The following ZNF488 variants were observed in gnomAD, a reference collection of about 807,000 sequenced individuals.
ZNF488 encodes zinc finger protein 488.
ZNF488 carries 1 observed loss-of-function variant against 1.2 expected under a neutral mutation model. The ratio of observed to expected loss-of-function variants is 0.86; its 90% CI spans 0.30 to 4.07. ZNF488 has a LOEUF of 4.07. Among genes scored for constraint, ZNF488 ranks in the 30% most tolerant of loss-of-function variants. ZNF488 has a pLI of 0.18. For missense variants in ZNF488, 450 were observed against 437.9 expected (o/e 1.03, Z -0.25); for synonymous variants, 185 against 190.1 (o/e 0.97, Z 0.22).
intron 1 of ZNF488, among the ~76,000 whole-genome samples, chr10:47,377,146 C>G (rs1837709224): frequency 6.6e-6 from 1 of 152,166 alleles, no homozygotes; most frequent in South Asian, 2.1e-4. Flanking sequence ...GCAGGGTCCC[C>G]CTTTGCCCCA....
intron 1 of ZNF488, among the ~76,000 whole-genome samples, chr10:47,372,517 G>C (rs1837511696): frequency 6.6e-6 from 1 of 151,586 alleles, no homozygotes; most frequent in Non-Finnish European, 1.5e-5. Context: ...TAAGCATGGA[G>C]AAGACAGAGA....
rs889930667 is a variant in ZNF488, at chr10:47,366,094, A to G, written c.*1713T>C. ...TTCCAGGGCTATTGTAGGACTCACT[A>G]TAACATCTGTATTCTTCCAGTGCTT... On this transcript the variant is annotated 3_prime_UTR_variant, in exon 2 of 2. Coordinates refer to ENST00000585316, the MANE Select transcript of ZNF488 (RefSeq NM_153034.4). 6.0e-6 allele frequency: 1 copy of G among 167,100 alleles called. No individual in the cohort carries two copies. The highest frequency in any genetic ancestry group is 2.4e-5 in the African/African-American group (1 of 41,468). The allele number at this position is 167,100 out of a possible 1,614,324, so 10.4% of individuals were successfully genotyped here.
At chr10:47,375,707 T>G (rs1169811909) in intron 1 of ZNF488, among the ~76,000 whole-genome samples, 1 of 152,228 alleles carries the variant, frequency 6.6e-6, no homozygotes, top group Non-Finnish European at 1.5e-5. Flanking sequence ...ACTTTCATCT[T>G]ACACTTTATT....
intron 1 of ZNF488, among the ~76,000 whole-genome samples, chr10:47,379,541 A>C (rs1284382022): frequency 1.3e-5 from 2 of 150,766 alleles, no homozygotes; most frequent in African/African-American, 4.9e-5. Context: ...TGTCGCATGC[A>C]TCAGCACTGC....
At chr10:47,368,960 G>T in intron 1 of ZNF488, 23 bp from the exon 2 acceptor site, 1 of 1,080,170 alleles carries the variant, frequency 9.3e-7, no homozygotes. Context: ...GAAGCGACAG[G>T]CAGTGAGATG....
At chr10:47,380,222 C>A (rs1176338981) in intron 1 of ZNF488, among the ~76,000 whole-genome samples, 6 of 10,448 alleles carry the variant, frequency 5.7e-4, no homozygotes, top group Admixed American at 4.5e-3. Flanking sequence ...TCCTCTTGTT[C>A]TCCTTGGCTC....
intron 1 of ZNF488, among the ~76,000 whole-genome samples, chr10:47,372,497 C>T (rs1253984362): frequency 6.6e-6 from 1 of 151,674 alleles, no homozygotes; most frequent in Non-Finnish European, 1.5e-5. Flanking sequence ...CTCAAGCCTC[C>T]TCTGCTTTCT....
At chr10:47,371,485 C>A (rs550160555) in intron 1 of ZNF488, among the ~76,000 whole-genome samples, 160 of 152,148 alleles carry the variant, frequency 1.1e-3, no homozygotes, top group African/African-American at 3.8e-3. Context: ...AGTATGTATA[C>A]ATAATATACC....
In ZNF488 at chr10:47,368,857, T is replaced by C. The variant is rs1220844590; in HGVS notation, c.-28A>G. On this transcript the variant is annotated 5_prime_UTR_variant, in exon 2 of 2. Transcript: ENST00000585316. ...ATCAGTCTTTGGGGGTTTGGGGTTC[T>C]GGAGGGCTTGGCCCAGCAAGGAGCC... 3 of 1,550,146 alleles carry C rather than the reference T, an allele frequency of 1.9e-6. No homozygotes were observed. The highest frequency in any genetic ancestry group is 1.8e-4 in the Middle Eastern group (1 of 5,482).
rs558580971 is a variant in ZNF488 at position 47,368,618 on chromosome 10, C to A, written c.212G>T (p.Ser71Ile). The A allele has an allele frequency of 1.9e-6, 3 of 1,610,344 alleles. No individual in the cohort carries two copies. Among genetic ancestry groups the A allele is most frequent in the African/African-American group, 2.7e-5 (2 of 74,940 alleles). ...GGCTACCAACAGTGCCAGCTCCGCACTGCCCACATCCCGGCCCGCCCTGCC... is the reference window on the plus strand; with the variant it reads ...GGCTACCAACAGTGCCAGCTCCGCAATGCCCACATCCCGGCCCGCCCTGCC... ...AVGRAGRDVG[S>I]AELALLVAPG... is the part of the protein sequence containing the mutation. The change falls in exon 2 of 2, where the codon AGT becomes ATT. Residue 71 changes from serine (S) to isoleucine (I), a missense_variant. Ser to Ile is a moderately radical substitution (Grantham distance 142). Transcript: ENST00000585316.
intron 1 of ZNF488, among the ~76,000 whole-genome samples, chr10:47,377,671 T>TCACACACACACACACACA (rs55901237): frequency 1.9e-5 from 2 of 104,952 alleles, no homozygotes; most frequent in African/African-American, 7.2e-5. Context: ...GCAATAACAA[T>TCACACACACACACACACA]CACACACACA....
At position 47,377,862 on chromosome 10, in the gene ZNF488, G is replaced by T. The variant is rs190927676; in HGVS notation, c.-109+6358C>A. Among the ~76,000 whole-genome samples, 35 of 152,358 alleles carry T rather than the reference G, an allele frequency of 2.3e-4. 3 individuals carry two copies. The highest frequency in any genetic ancestry group is 1.8e-3 in the Admixed American group (27 of 15,312). On this transcript the variant is annotated intron_variant, in intron 1 of 1. Coordinates refer to ENST00000585316, the MANE Select transcript of ZNF488 (RefSeq NM_153034.4). ...TGTGTTTGCACCCTGGTTGAGGGCA[G>T]TTTTCCTTCCTTGCTGGTTGCCATA...
At chr10:47,375,269 A>G (rs1837637178) in intron 1 of ZNF488, among the ~76,000 whole-genome samples, 1 of 152,134 alleles carries the variant, frequency 6.6e-6, no homozygotes. Context: ...GGCAATACAT[A>G]CTCAGAACCC....
At chr10:47,380,880 T>C (rs188451715) in intron 1 of ZNF488, among the ~76,000 whole-genome samples, 209 of 47,172 alleles carry the variant, frequency 4.4e-3, no homozygotes, top group African/African-American at 0.024. Flanking sequence ...TGGGAAAGAT[T>C]AGAAGGATTA....
rs1281525717 is a variant in ZNF488 at position 47,367,649 on chromosome 10, G to T, written c.*158C>A. On this transcript the variant is annotated 3_prime_UTR_variant, in exon 2 of 2. Transcript: ENST00000585316. ...ATTTCCTTCAAAACACATCATGCAG[G>T]TGTGGCTTTTTCAAATTATGCCTGA... 2.5e-6 allele frequency: 2 copies of T among 791,192 alleles called. No homozygotes were observed. The highest frequency in any genetic ancestry group is 2.9e-5 in the Admixed American group (1 of 34,010). 49.0% of individuals were successfully genotyped at this position (791,192 alleles called of 1,614,324 possible). A position where few individuals can be genotyped will look rare whatever the true frequency, so the allele number is the denominator to read the frequency against.
At chr10:47,375,851 T>C (rs782049752) in intron 1 of ZNF488, among the ~76,000 whole-genome samples, 9 of 152,084 alleles carry the variant, frequency 5.9e-5, no homozygotes, top group Non-Finnish European at 1.0e-4. Flanking sequence ...AGAGAGACCC[T>C]CCTGGAAGAG....
chr10:47,373,441 G>A (rs1837554010), intron 1 of ZNF488, among the ~76,000 whole-genome samples: 1 of 152,148 alleles, frequency 6.6e-6, no homozygotes, highest in Non-Finnish European at 1.5e-5. Flanking sequence ...ACGTGGGTTT[G>A]AATCTCACCT....
In ZNF488 at chr10:47,368,115, G is replaced by A. The variant is rs1555213148; in HGVS notation, c.715C>T (p.Leu239=). 1 of 1,614,244 alleles carries A rather than the reference G, an allele frequency of 6.2e-7. No individual in the cohort carries two copies. The highest frequency in any genetic ancestry group is 1.1e-5 in the South Asian group (1 of 91,086). Residue 239 remains leucine, a synonymous_variant, in exon 2 of 2, where the codon CTG becomes TTG. Transcript: ENST00000585316. ...TGGGCCTGGGTATGCTCCAGCCACA[G>A]TGTAGGGGCACCCAGAAAAGTGCTA... ...LCSTFLGAPT[L]WLEHTQAQVP...
intron 1 of ZNF488, among the ~76,000 whole-genome samples, chr10:47,372,059 C>A (rs1837491247): frequency 6.6e-6 from 1 of 152,210 alleles, no homozygotes; most frequent in Non-Finnish European, 1.5e-5. Context: ...AGGCAAAGTG[C>A]ATTTCATTTT....
Sources: allele counts gnomAD v4.1 joint callset (sites outside exome capture counted in the v4.1 genomes callset), GRCh38; gene constraint gnomAD v4.1.1; transcripts MANE v1.5; gene names NCBI Gene and HGNC (gene_info 2026-07-23, HGNC 2026-07-21).